Variants in GDPD1 observed in about 807,000 individuals in gnomAD.
GDPD1 encodes lysophospholipase D GDPD1.
GDPD1 carries 28 observed loss-of-function variants against 45.1 expected under a neutral mutation model. The ratio of observed to expected loss-of-function variants is 0.62; its 90% CI spans 0.46 to 0.85. The LOEUF is 0.85. Among genes scored for constraint, GDPD1 ranks in the 40% least tolerant of loss-of-function variants. The pLI, the probability that GDPD1 is intolerant of heterozygous loss-of-function variation, is 0.00. For synonymous variants in GDPD1, 139 were observed against 131.4 expected (o/e 1.06, Z -0.40); for missense variants, 256 against 364.8 (o/e 0.70, Z 2.43).
In GDPD1 at chr17:59,220,606, T is replaced by C. The variant is rs557336698; in HGVS notation, c.-4T>C. ...GGTGGGAGACTTCCCACACGGTGAC[T>C]GAGATGTCGTCCACTGCGGCTTTTT... On this transcript the variant is annotated 5_prime_UTR_variant, in exon 1 of 10. Transcript: ENST00000284116. 1.2e-6 allele frequency: 2 copies of C among 1,612,714 alleles called. No individual in the cohort carries two copies. The highest frequency in any genetic ancestry group is 1.3e-5 in the African/African-American group (1 of 74,916).
chr17:59,257,189 C>A lies in GDPD1; in HGVS notation c.435C>A (p.Asn145Lys), dbSNP rs150939754. ...AGGAAGTTTTTGAGGCCTTTCCTAA[C>A]ACTCCCATTAACATCGATATCAAAG... Reference protein sequence around the residue: ...LLKEVFEAFPNTPINIDIKVN... With the variant: ...LLKEVFEAFPKTPINIDIKVN... Residue 145 changes from asparagine (N) to lysine (K), a missense_variant, in exon 5 of 10, where the codon AAC becomes AAA. Physicochemically the swap from Asn to Lys is moderately conservative, Grantham distance 94. Transcript: ENST00000284116. 1 of 1,606,542 alleles carries A rather than the reference C, an allele frequency of 6.2e-7. No individual in the cohort carries two copies. The highest frequency in any genetic ancestry group is 2.3e-5 in the East Asian group (1 of 44,288).
chr17:59,223,300 G>A (rs2047020201), intron 1 of GDPD1, among the ~76,000 whole-genome samples: 1 of 152,096 alleles, frequency 6.6e-6, no homozygotes, highest in African/African-American at 2.4e-5. Context: ...AATATCTGCA[G>A]ACTCAAAATC....
intron 2 of GDPD1, among the ~76,000 whole-genome samples, chr17:59,235,583 G>A (rs943420529): frequency 2.5e-4 from 38 of 152,082 alleles, no homozygotes; most frequent in African/African-American, 8.7e-4. Flanking sequence ...AGGCCAAGGC[G>A]AGGCAGGTTA....
intron 3 of GDPD1, among the ~76,000 whole-genome samples, chr17:59,245,974 T>C (rs2047207777): frequency 6.6e-6 from 1 of 151,194 alleles, no homozygotes; most frequent in Non-Finnish European, 1.5e-5. Context: ...ATACAAAAAT[T>C]AGCCAGACAT....
rs375761996 is a variant in GDPD1 at position 59,272,678 on chromosome 17, T to C, written c.771-107T>C. ...TTATTACTTGAGACCATTTCTTTTA[T>C]TGCTGAAGCATTGGGATTAAATTAA... On this transcript the variant is annotated intron_variant, in intron 8 of 9. Transcript: ENST00000284116. The C allele has an allele frequency of 6.6e-4, 469 of 705,816 alleles. 5 individuals carry two copies. The highest frequency in any genetic ancestry group is 5.9e-3 in the South Asian group (369 of 62,686). 43.7% of individuals were successfully genotyped at this position (705,816 alleles called of 1,614,324 possible). A position where few individuals can be genotyped will look rare whatever the true frequency, so the allele number is the denominator to read the frequency against.
intron 4 of GDPD1, among the ~76,000 whole-genome samples, chr17:59,255,855 A>C (rs201732434): frequency 1.2e-5 from 1 of 82,920 alleles, no homozygotes; most frequent in African/African-American, 8.1e-5. Context: ...ATATATACAC[A>C]CGTATATATA....
chr17:59,267,739 G>A (rs549612262), intron 7 of GDPD1, among the ~76,000 whole-genome samples: 3 of 150,646 alleles, frequency 2.0e-5, no homozygotes, highest in African/African-American at 4.9e-5. Flanking sequence ...GTGTGATCTC[G>A]ACTCACTGCA....
chr17:59,234,401 AGGT>A (rs1305912986), intron 1 of GDPD1, 88 bp from the exon 2 acceptor site: 1 of 711,338 alleles, frequency 1.4e-6, no homozygotes, highest in African/African-American at 1.8e-5. Flanking sequence ...AAAAAAAAAA[AGGT>A]CAAGATTCAT....
chr17:59,275,401 T>G lies in GDPD1; in HGVS notation c.*1628T>G. ...ATGGAACATTCTATTTGAGACCTTT[T>G]TCAGGTGTGTAGCAATTCTACCATG... is the stretch of plus-strand genomic sequence containing the variant. On this transcript the variant is annotated 3_prime_UTR_variant, in exon 10 of 10. Coordinates refer to ENST00000284116, the MANE Select transcript of GDPD1 (RefSeq NM_182569.4). 3 of 456,198 alleles carry G rather than the reference T, an allele frequency of 6.6e-6. No homozygotes were observed. The South Asian group carries it at 9.1e-5, about 14-fold the overall frequency. 28.3% of individuals were successfully genotyped at this position (456,198 alleles called of 1,614,324 possible). A position where few individuals can be genotyped will look rare whatever the true frequency, so the allele number is the denominator to read the frequency against.
intron 4 of GDPD1, among the ~76,000 whole-genome samples, chr17:59,255,779 ATATATACGCGTATATATG>A (rs1176929749): frequency 3.0e-4 from 24 of 79,866 alleles, no homozygotes; most frequent in East Asian, 6.6e-4. Flanking sequence ...ATATATATAT[ATATATACGCGTATATATG>A]TATATATATA....
At chr17:59,230,418 T>TG in intron 1 of GDPD1, among the ~76,000 whole-genome samples, 1 of 146,932 alleles carries the variant, frequency 6.8e-6, no homozygotes, top group African/African-American at 2.5e-5. Flanking sequence ...GTTTTGCTCT[T>TG]GTTGCCCAGG....
intron 6 of GDPD1, among the ~76,000 whole-genome samples, chr17:59,260,260 G>A (rs748777169): frequency 7.3e-5 from 11 of 151,228 alleles, no homozygotes; most frequent in Non-Finnish European, 1.6e-4. Context: ...AAAATATGTC[G>A]GCCAGGCACA....
At chr17:59,236,969 A>C (rs1462046972) in intron 2 of GDPD1, among the ~76,000 whole-genome samples, 1 of 152,170 alleles carries the variant, frequency 6.6e-6, no homozygotes, top group Non-Finnish European at 1.5e-5. Flanking sequence ...CTTGCTATGA[A>C]TACATACTTT....
chr17:59,259,483 C>T (rs1212528303), intron 6 of GDPD1, among the ~76,000 whole-genome samples: 4 of 143,168 alleles, frequency 2.8e-5, no homozygotes, highest in African/African-American at 2.6e-5. Flanking sequence ...AGGAGAATGG[C>T]GTGAACCCGG....
At chr17:59,266,645 T>A (rs189728147) in intron 6 of GDPD1, among the ~76,000 whole-genome samples, 1 of 152,128 alleles carries the variant, frequency 6.6e-6, no homozygotes. Context: ...TACTCATATA[T>A]AGAGATATAT....
chr17:59,261,586 T>A (rs2047355879), intron 6 of GDPD1, among the ~76,000 whole-genome samples: 1 of 151,864 alleles, frequency 6.6e-6, no homozygotes, highest in Non-Finnish European at 1.5e-5. Context: ...AGCCTTGACT[T>A]CCTGGGTTCA....
Position 59,274,641 on chromosome 17 carries a change from TG to T in GDPD1, c.*870del, listed in dbSNP as rs1205035037. 2 of 145,778 alleles carry T rather than the reference TG, an allele frequency of 1.4e-5. No homozygotes were observed. Among genetic ancestry groups the T allele is most frequent in the African/African-American group, 5.1e-5 (2 of 38,896 alleles). The allele number at this position is 145,778 out of a possible 1,614,324, so 9.0% of individuals were successfully genotyped here. ...AAAAATACAAAAAATTAGCTGGGCG[TG>T]GTGGTGGGCACCTTAGTCCCAGCTA... On this transcript the variant is annotated 3_prime_UTR_variant, in exon 10 of 10. Transcript: ENST00000284116.
chr17:59,253,792 G>A lies in GDPD1; in HGVS notation c.368-3330G>A, dbSNP rs571907849. ...TGATTGGCCCAGCTTGGGTCATGTG[G>A]CCATCCTGAAGAAAAGAAATGGGCT... is the stretch of plus-strand genomic sequence containing the variant. On this transcript the variant is annotated intron_variant, in intron 4 of 9. Transcript: ENST00000284116. 1.4e-4 allele frequency among the ~76,000 whole-genome samples: 21 copies of A among 152,154 alleles called. 1 individual carries two copies. Among genetic ancestry groups the A allele is most frequent in the Admixed American group, 1.2e-3 (19 of 15,254 alleles).
chr17:59,222,373 A>G (rs2047012008), intron 1 of GDPD1, among the ~76,000 whole-genome samples: 2 of 147,796 alleles, frequency 1.4e-5, no homozygotes. Context: ...CACCCAGTTA[A>G]TTTTTTTTAT....
Sources: allele counts gnomAD v4.1 joint callset (sites outside exome capture counted in the v4.1 genomes callset), GRCh38; gene constraint gnomAD v4.1.1; transcripts MANE v1.5; gene names NCBI Gene and HGNC (gene_info 2026-07-23, HGNC 2026-07-21).